Variants in MARCHF3 observed in about 807,000 individuals in gnomAD.
MARCHF3 encodes E3 ubiquitin-protein ligase MARCHF3.
Under a neutral mutation model 24.2 loss-of-function variants are expected in MARCHF3, and 13 were observed. The observed-to-expected ratio is 0.54, with a 90% CI of 0.35 to 0.85. The LOEUF (loss-of-function observed/expected upper bound fraction) is 0.85, where lower values mean the gene tolerates loss of function less well. Among genes scored for constraint, MARCHF3 ranks in the 40% least tolerant of loss-of-function variants. MARCHF3 has a pLI of 0.01. For synonymous variants in MARCHF3, 144 were observed against 137.3 expected (o/e 1.05, Z -0.34); for missense variants, 276 against 325.0 (o/e 0.85, Z 1.16).
intron 3 of MARCHF3, among the ~76,000 whole-genome samples, chr5:126,896,991 C>G (rs2126780236): frequency 6.6e-6 from 1 of 151,480 alleles, no homozygotes; most frequent in South Asian, 2.1e-4. Context: ...GGACCATTTC[C>G]CTAAACTGCC....
chr5:126,927,046 TA>T (rs542788379), intron 1 of MARCHF3, among the ~76,000 whole-genome samples: 1 of 152,010 alleles, frequency 6.6e-6, no homozygotes, highest in South Asian at 2.1e-4. Flanking sequence ...TATAAACAGG[TA>T]AAAAAAATCA....
intron 1 of MARCHF3, among the ~76,000 whole-genome samples, chr5:126,935,831 G>C (rs1749630020): frequency 6.6e-6 from 1 of 151,736 alleles, no homozygotes; most frequent in Non-Finnish European, 1.5e-5. Context: ...GGCTAGTCTC[G>C]AATTCCTGAC....
intron 1 of MARCHF3, among the ~76,000 whole-genome samples, chr5:126,954,128 C>T (rs1404089131): frequency 2.0e-5 from 3 of 151,788 alleles, no homozygotes; most frequent in African/African-American, 7.3e-5. Flanking sequence ...CGCCTCCTGG[C>T]TTCACGCCAT....
Position 126,869,582 on chromosome 5 carries a change from C to CTTTTTTTTTTTTTTTTTT in MARCHF3, c.*1033_*1050dup, listed in dbSNP as rs10653981. On this transcript the variant is annotated 3_prime_UTR_variant, in exon 5 of 5. Coordinates refer to ENST00000308660, the MANE Select transcript of MARCHF3 (RefSeq NM_178450.5). ...ATAAGTGCAGGGCTGCTAGGACAGG[C>CTTTTTTTTTTTTTTTTTT]TTTTTTTTTTTTTTTTTTTTTTGCC... 3.8e-5 allele frequency: 3 copies of CTTTTTTTTTTTTTTTTTT among 79,832 alleles called. 1 individual carries two copies. The highest frequency in any genetic ancestry group is 1.6e-4 in the African/African-American group (3 of 18,756). 4.9% of individuals were successfully genotyped at this position (79,832 alleles called of 1,614,324 possible).
intron 1 of MARCHF3, among the ~76,000 whole-genome samples, chr5:127,015,433 G>A (rs549875160): frequency 6.6e-6 from 1 of 152,238 alleles, no homozygotes; most frequent in South Asian, 2.1e-4. Context: ...CAGTTGAATG[G>A]GAAAGTCACA....
chr5:126,912,770 AAAC>A (rs1280913389), intron 3 of MARCHF3, among the ~76,000 whole-genome samples: 1 of 152,254 alleles, frequency 6.6e-6, no homozygotes, highest in Non-Finnish European at 1.5e-5. Flanking sequence ...GCTTGTGGTC[AAAC>A]AGCAAGTTCA....
At chr5:126,894,857 G>C (rs962266490) in intron 3 of MARCHF3, among the ~76,000 whole-genome samples, 16 of 151,580 alleles carry the variant, frequency 1.1e-4, no homozygotes, top group African/African-American at 3.9e-4. Context: ...ACGTTGGCCT[G>C]CCTTGCTAGA....
At chr5:126,875,809 G>A (rs1177068448) in intron 4 of MARCHF3, among the ~76,000 whole-genome samples, 1 of 152,242 alleles carries the variant, frequency 6.6e-6, no homozygotes, top group African/African-American at 2.4e-5. Context: ...GTGCTTGCAT[G>A]TATGTTCTCA....
chr5:126,993,553 A>C (rs1262634897), intron 1 of MARCHF3, among the ~76,000 whole-genome samples: 1 of 152,022 alleles, frequency 6.6e-6, no homozygotes, highest in Non-Finnish European at 1.5e-5. Context: ...TTCCTGGAGG[A>C]CCTCGGAAAT....
chr5:126,926,203 G>A (rs1377030955), intron 1 of MARCHF3, among the ~76,000 whole-genome samples: 5 of 152,190 alleles, frequency 3.3e-5, no homozygotes, highest in Non-Finnish European at 5.9e-5. Flanking sequence ...AATAAAGCCA[G>A]TTGTGAGCTT....
At chr5:126,923,574 T>C (rs999344088) in intron 1 of MARCHF3, among the ~76,000 whole-genome samples, 6 of 152,214 alleles carry the variant, frequency 3.9e-5, no homozygotes, top group Admixed American at 3.9e-4. Flanking sequence ...GACCTCCATA[T>C]TCAACCTTCA....
chr5:127,021,838 A>C (rs1388849349), intron 1 of MARCHF3, among the ~76,000 whole-genome samples: 1 of 152,242 alleles, frequency 6.6e-6, no homozygotes, highest in Non-Finnish European at 1.5e-5. Context: ...ACAAATGTTG[A>C]CATTAGCTAT....
intron 1 of MARCHF3, among the ~76,000 whole-genome samples, chr5:126,941,064 T>C (rs1372604855): frequency 6.6e-6 from 1 of 152,192 alleles, no homozygotes; most frequent in Non-Finnish European, 1.5e-5. Flanking sequence ...GTAGAAAATA[T>C]AAAACCACAA....
intron 1 of MARCHF3, among the ~76,000 whole-genome samples, chr5:126,950,199 C>G (rs1249287616): frequency 6.6e-6 from 1 of 152,164 alleles, no homozygotes; most frequent in Admixed American, 6.5e-5. Context: ...AAACCAGGAT[C>G]CAACTCTGTC....
chr5:127,021,974 G>A (rs1439886848), intron 1 of MARCHF3, among the ~76,000 whole-genome samples: 1 of 152,186 alleles, frequency 6.6e-6, no homozygotes, highest in Non-Finnish European at 1.5e-5. Context: ...GGGTAGGCCT[G>A]CCCTTCTCCA....
At chr5:126,954,199 ATTT>A (rs750262766) in intron 1 of MARCHF3, among the ~76,000 whole-genome samples, 8 of 114,060 alleles carry the variant, frequency 7.0e-5, no homozygotes, top group African/African-American at 2.1e-4. Context: ...CGCCCGGCTA[ATTT>A]TTTTTTTTTT....
At chr5:126,992,104 C>G (rs1270495418) in intron 1 of MARCHF3, among the ~76,000 whole-genome samples, 1 of 151,960 alleles carries the variant, frequency 6.6e-6, no homozygotes, top group African/African-American at 2.4e-5. Context: ...ATATTCAGTA[C>G]AATCAAAACC....
chr5:126,879,301 CA>C (rs1401679981), intron 3 of MARCHF3, among the ~76,000 whole-genome samples: 1 of 152,132 alleles, frequency 6.6e-6, no homozygotes, highest in Admixed American at 6.5e-5. Flanking sequence ...ATAAGTATAA[CA>C]GTTTTTTCTG....
At chr5:126,992,414 C>T (rs1751798053) in intron 1 of MARCHF3, among the ~76,000 whole-genome samples, 1 of 152,208 alleles carries the variant, frequency 6.6e-6, no homozygotes, top group African/African-American at 2.4e-5. Context: ...AGGCAGGCAT[C>T]TGAATGGACA....
Sources: allele counts gnomAD v4.1 joint callset (sites outside exome capture counted in the v4.1 genomes callset), GRCh38; gene constraint gnomAD v4.1.1; transcripts MANE v1.5; gene names NCBI Gene and HGNC (gene_info 2026-07-23, HGNC 2026-07-21).